Variants in PRPF40B observed in about 807,000 individuals in gnomAD.
The protein encoded by PRPF40B is pre-mRNA-processing factor 40 homolog B.
PRPF40B carries 56 observed loss-of-function variants against 124.5 expected under a neutral mutation model. The ratio of observed to expected loss-of-function variants is 0.45; its 90% confidence interval spans 0.36 to 0.56. The LOEUF (loss-of-function observed/expected upper bound fraction) is 0.56, where lower values mean the gene tolerates loss of function less well. PRPF40B is among the 20% of genes least tolerant of loss of function. PRPF40B has a pLI of 0.00. For synonymous variants in PRPF40B, 443 were observed against 426.4 expected, an observed-to-expected ratio of 1.04 and a Z score of -0.48; for missense variants, 1,053 against 1,169.5, an observed-to-expected ratio of 0.90 and a Z score of 1.45.
chr12:49,631,995 A>T lies in PRPF40B; in HGVS notation c.294+70A>T. On this transcript the variant is annotated intron_variant, in intron 4 of 25. Coordinates refer to ENST00000548825, the MANE Select transcript of PRPF40B (RefSeq NM_001031698.3). This position sits in a 1 kb window ranked among gnomAD's most constrained non-coding sequence, Gnocchi z 4.3. ...CCGTGAGTCTGACTTGGAATGCAGG[A>T]CTATGACCTCCATTCTTTCCCTCTT... The T allele has an allele frequency of 2.1e-6, 3 of 1,413,722 alleles. No homozygotes were observed. Among genetic ancestry groups the T allele is most frequent in the Non-Finnish European group, 3.0e-6 (3 of 999,352 alleles). The allele number at this position is 1,413,722 out of a possible 1,614,324, so 87.6% of individuals were successfully genotyped here.
rs760272270 is a variant in PRPF40B, at chr12:49,631,468, C to G, written c.152C>G (p.Pro51Arg). ...MGLPPMSQRP[P>R]AIPPMPPGIL... ...CTACCCCCCATGAGTCAGAGACCAC[C>G]AGCTATCCCCCCCATGCCACCTGGC... Residue 51 changes from proline (P) to arginine (R), a missense_variant, in exon 3 of 26, where the codon CCA (proline) becomes CGA (arginine). Coordinates refer to ENST00000548825, the MANE Select transcript of PRPF40B (RefSeq NM_001031698.3). The surrounding 1 kb of genome is among the most constrained non-coding windows in gnomAD (Gnocchi z 4.3). 9 of 1,522,208 alleles carry G rather than the reference C, an allele frequency of 5.9e-6. No individual in the cohort carries two copies. The highest frequency in any genetic ancestry group is 7.0e-6 in the Non-Finnish European group (8 of 1,138,970). 94.3% of individuals were successfully genotyped at this position (1,522,208 alleles called of 1,614,324 possible). A position where few individuals can be genotyped will look rare whatever the true frequency, so the allele number is the denominator to read the frequency against.
In PRPF40B at chr12:49,631,471, C is replaced by G. The variant is rs765937499; in HGVS notation, c.155C>G (p.Ala52Gly). The change falls in exon 3 of 26, where the codon GCT becomes GGT. Residue 52 changes from alanine (A) to glycine (G), a missense_variant. Physicochemically the swap from Ala to Gly is moderately conservative, Grantham distance 60. This residue lies in a region of PRPF40B where 158 missense variants were observed against 117.3 expected (regional missense o/e 1.35). Coordinates refer to ENST00000548825, the MANE Select transcript of PRPF40B (RefSeq NM_001031698.3). This position sits in a 1 kb window ranked among gnomAD's most constrained non-coding sequence, Gnocchi z 4.3. ...GLPPMSQRPP[A>G]IPPMPPGILP... ...CCCCCCATGAGTCAGAGACCACCAG[C>G]TATCCCCCCCATGCCACCTGGCATC... 28 of 1,524,412 alleles carry G rather than the reference C, an allele frequency of 1.8e-5. No homozygotes were observed. The highest frequency in any genetic ancestry group is 3.5e-4 in the Middle Eastern group (2 of 5,684). The allele number at this position is 1,524,412 out of a possible 1,614,324, so 94.4% of individuals were successfully genotyped here. A position where few individuals can be genotyped will look rare whatever the true frequency, so the allele number is the denominator to read the frequency against.
chr12:49,634,268 G>T, intron 10 of PRPF40B, 64 bp from the exon 11 acceptor site: 1 of 1,611,854 alleles, frequency 6.2e-7, no homozygotes, highest in Non-Finnish European at 8.5e-7. Flanking sequence ...GTTGCCAGGA[G>T]TTCAGGGCAC....
chr12:49,632,995 T>TGGGGGGGGGGGGGGGGGGGGGGGGGG lies in PRPF40B; in HGVS notation c.349-18_349-17insGGGGGGGGGGGGGGGGGGGGGGGGGG. 2 of 1,365,438 alleles carry TGGGGGGGGGGGGGGGGGGGGGGGGGG rather than the reference T, an allele frequency of 1.5e-6. No individual in the cohort carries two copies. Among genetic ancestry groups the TGGGGGGGGGGGGGGGGGGGGGGGGGG allele is most frequent in the Non-Finnish European group, 1.0e-6 (1 of 979,268 alleles). 84.6% of individuals were successfully genotyped at this position (1,365,438 alleles called of 1,614,324 possible). On this transcript the variant is annotated intron_variant, in intron 6 of 25. Coordinates refer to ENST00000548825, the MANE Select transcript of PRPF40B (RefSeq NM_001031698.3). ...AAAAGGGGCCTTGACCACCATTCTG[T>TGGGGGGGGGGGGGGGGGGGGGGGGGG]GCCCCCCCCCCCACCCAGAGGGCCC...
chr12:49,635,781 G>A lies in PRPF40B; in HGVS notation c.1276-62G>A. The A allele has an allele frequency of 1.3e-6, 2 of 1,594,308 alleles. No individual in the cohort carries two copies. Among genetic ancestry groups the A allele is most frequent in the Non-Finnish European group, 1.7e-6 (2 of 1,168,324 alleles). ...GCTACCTTTCCCCAGGTCCTCCTCT[G>A]CCCAGGCCTACTTGGGTAGCTCTGG... On this transcript the variant is annotated intron_variant, in intron 14 of 25. Transcript: ENST00000548825. This position sits in a 1 kb window ranked among gnomAD's most constrained non-coding sequence, Gnocchi z 4.1.
In PRPF40B at chr12:49,643,479, T is replaced by A; in HGVS notation, c.2380+82T>A. 2.7e-6 allele frequency: 4 copies of A among 1,491,356 alleles called. No homozygotes were observed. The South Asian group carries it at 4.0e-5, about 15-fold the overall frequency. 92.4% of individuals were successfully genotyped at this position (1,491,356 alleles called of 1,614,324 possible). On this transcript the variant is annotated intron_variant, in intron 23 of 25. Transcript: ENST00000548825. The stretch of plus-strand genomic sequence containing the variant: ...TGCCCTCCACAAGCCCCAGCTCCTT[T>A]GAGGGTAGACTGGATTGGGAGGGCT...
Position 49,637,007 on chromosome 12 carries a change from G to T in PRPF40B, c.1560+158G>T, listed in dbSNP as rs1436913168. Reference sequence around the variant, plus strand: ...CTCTCTCTGCCTGCAGTCTGTTTCTGCTGTACCTCCTCAATTCTGGACTGT... The same window carrying T: ...CTCTCTCTGCCTGCAGTCTGTTTCTTCTGTACCTCCTCAATTCTGGACTGT... On this transcript the variant is annotated intron_variant, in intron 16 of 25. Coordinates refer to ENST00000548825, the MANE Select transcript of PRPF40B (RefSeq NM_001031698.3). 9 of 1,096,804 alleles carry T rather than the reference G, an allele frequency of 8.2e-6. No individual in the cohort carries two copies. The African/African-American group carries it at 1.4e-4, about 17-fold the overall frequency. 67.9% of individuals were successfully genotyped at this position (1,096,804 alleles called of 1,614,324 possible). A position where few individuals can be genotyped will look rare whatever the true frequency, so the allele number is the denominator to read the frequency against.
At position 49,642,915 on chromosome 12, in the gene PRPF40B, C is replaced by T. The variant is rs1430664707; in HGVS notation, c.2119-15C>T. 3.7e-6 allele frequency: 6 copies of T among 1,609,454 alleles called. No homozygotes were observed. The highest frequency in any genetic ancestry group is 5.1e-6 in the Non-Finnish European group (6 of 1,177,516). ...TCTGGTGCTGTCCTCACCCTTCTTC[C>T]TCTGCCTCTAGCAGACTGAATGCCA... is the stretch of plus-strand genomic sequence containing the variant. On this transcript the variant is annotated splice_polypyrimidine_tract_variant and intron_variant, in intron 21 of 25. Coordinates refer to ENST00000548825, the MANE Select transcript of PRPF40B (RefSeq NM_001031698.3). The surrounding 1 kb of genome is among the most constrained non-coding windows in gnomAD (Gnocchi z 5.8).
chr12:49,637,117 A>T, intron 16 of PRPF40B: 4 of 589,868 alleles, frequency 6.8e-6, no homozygotes, highest in Non-Finnish European at 1.2e-5. Flanking sequence ...CAGCTAGGCC[A>T]TGTTTATTTC....
chr12:49,642,573 G>T lies in PRPF40B; in HGVS notation c.2023-7G>T. ...TAGTCTGATCAGCAGTGCTCTCCTCGTTCAAGGTCCGTGAGCGTTTTGTGT... is the reference window on the plus strand; with the variant it reads ...TAGTCTGATCAGCAGTGCTCTCCTCTTTCAAGGTCCGTGAGCGTTTTGTGT... On this transcript the variant is annotated splice_polypyrimidine_tract_variant and splice_region_variant and intron_variant, in intron 20 of 25. Coordinates refer to ENST00000548825, the MANE Select transcript of PRPF40B (RefSeq NM_001031698.3). This position sits in a 1 kb window ranked among gnomAD's most constrained non-coding sequence, Gnocchi z 5.8. The T allele has an allele frequency of 6.2e-7, 1 of 1,614,174 alleles. No individual in the cohort carries two copies. The highest frequency in any genetic ancestry group is 8.5e-7 in the Non-Finnish European group (1 of 1,180,014).
intron 4 of PRPF40B, 134 bp downstream of exon 4, chr12:49,632,059 C>T (rs1265193772): frequency 3.5e-6 from 3 of 851,096 alleles, no homozygotes; most frequent in African/African-American, 3.3e-5. Flanking sequence ...GCACTCCCCA[C>T]ACTCAAATCC....
chr12:49,637,398 C>G (rs1209977368), intron 16 of PRPF40B, 72 bp from the exon 17 acceptor site: 1 of 1,048,154 alleles, frequency 9.5e-7, no homozygotes, highest in Non-Finnish European at 1.5e-6. Flanking sequence ...CTGCCATTCC[C>G]TCTCTTCCCC....
Position 49,623,607 on chromosome 12 carries a change from G to A in PRPF40B, c.3+14G>A. 2.4e-6 allele frequency: 3 copies of A among 1,233,338 alleles called. No homozygotes were observed. The highest frequency in any genetic ancestry group is 1.6e-5 in the African/African-American group (1 of 64,324). The allele number at this position is 1,233,338 out of a possible 1,614,324, so 76.4% of individuals were successfully genotyped here. ...GGCTCTGGCATGGTAACATCCCCGC[G>A]CGGGGGTGGAGGGGCTCGGGGCGGT... On this transcript the variant is annotated intron_variant, in intron 1 of 25. Coordinates refer to ENST00000548825, the MANE Select transcript of PRPF40B (RefSeq NM_001031698.3).
chr12:49,624,918 A>T (rs1327037473), intron 1 of PRPF40B, among the ~76,000 whole-genome samples: 1 of 151,586 alleles, frequency 6.6e-6, no homozygotes. Flanking sequence ...GAGGAAGAGT[A>T]GGGCTGGTCC....
intron 18 of PRPF40B, chr12:49,641,152 C>G (rs1942587656): frequency 6.6e-6 from 1 of 152,260 alleles, no homozygotes; most frequent in Non-Finnish European, 1.5e-5. Flanking sequence ...TTCTAAGCCT[C>G]TGCTTCACTG....
In PRPF40B at chr12:49,644,018, G is replaced by A. The variant is rs201769680; in HGVS notation, c.2586+14G>A. 65 of 1,614,138 alleles carry A rather than the reference G, an allele frequency of 4.0e-5. No individual in the cohort carries two copies. Among genetic ancestry groups the A allele is most frequent in the Non-Finnish European group, 5.1e-5 (60 of 1,180,004 alleles). ...AAGAAGGAGAAGGTGAGGGGCAGGG[G>A]CCCTAGGCCAGTCAGCACGCTGGTC... is the stretch of plus-strand genomic sequence containing the variant. On this transcript the variant is annotated intron_variant, in intron 25 of 25. Coordinates refer to ENST00000548825, the MANE Select transcript of PRPF40B (RefSeq NM_001031698.3).
At position 49,644,432 on chromosome 12, in the gene PRPF40B, C is replaced by T; in HGVS notation, c.*240C>T. 1.9e-6 allele frequency: 1 copy of T among 535,406 alleles called. No individual in the cohort carries two copies. The highest frequency in any genetic ancestry group is 2.8e-4 in the Middle Eastern group (1 of 3,552). The allele number at this position is 535,406 out of a possible 1,614,324, so 33.2% of individuals were successfully genotyped here. ...CCAGACCAGAGATGGGTGGTATATG[C>T]CATGTGGGGTGGGTGATGCCAGTAG... On this transcript the variant is annotated 3_prime_UTR_variant, in exon 26 of 26. Transcript: ENST00000548825.
At chr12:49,637,187 G>C in intron 16 of PRPF40B, 1 of 572,918 alleles carries the variant, frequency 1.7e-6, no homozygotes, top group Non-Finnish European at 3.1e-6. Flanking sequence ...GGCAGTGGTG[G>C]TGGTAGTGCT....
Position 49,630,642 on chromosome 12 carries a change from TC to T in PRPF40B, c.84+20del. 8.1e-7 allele frequency: 1 copy of T among 1,230,310 alleles called. No individual in the cohort carries two copies. The highest frequency in any genetic ancestry group is 1.2e-5 in the South Asian group (1 of 81,878). The allele number at this position is 1,230,310 out of a possible 1,614,324, so 76.2% of individuals were successfully genotyped here. A position where few individuals can be genotyped will look rare whatever the true frequency, so the allele number is the denominator to read the frequency against. Reference sequence around the variant, plus strand: ...CCACCCTTCGTAAGTTTTATGTCTTTCCCTGGGCTTGGCTTTTCCAGCCTGC... The same window carrying T: ...CCACCCTTCGTAAGTTTTATGTCTTTCCTGGGCTTGGCTTTTCCAGCCTGC... On this transcript the variant is annotated intron_variant, in intron 2 of 25. Coordinates refer to ENST00000548825, the MANE Select transcript of PRPF40B (RefSeq NM_001031698.3).
Sources: gnomAD v4.1 joint callset for allele counts (sites outside exome capture counted in the v4.1 genomes callset) on GRCh38, gnomAD v4.1.1 for gene constraint, gnomAD v4.1.1 regional missense constraint, Gnocchi (gnomAD v3.1) non-coding constraint, MANE v1.5 for transcripts, NCBI Gene and HGNC (gene_info 2026-07-23, HGNC 2026-07-21) for gene names.